Variants in NPL observed in about 807,000 individuals in gnomAD.
NPL encodes N-acetylneuraminate lyase.
NPL carries 32 observed loss-of-function variants against 41.1 expected under a neutral mutation model. The ratio of observed to expected loss-of-function variants is 0.78; its 90% CI spans 0.59 to 1.05. NPL has a LOEUF of 1.05. Ranked by LOEUF, NPL falls within the 50% of genes least tolerant of loss-of-function variation. The probability of loss-of-function intolerance (pLI) is 0.00; values close to 1 mark genes in which losing one functional copy is unlikely to be tolerated. For synonymous variants in NPL, 128 were observed against 134.9 expected (o/e 0.95, Z 0.35); for missense variants, 321 against 378.4 (o/e 0.85, Z 1.26).
intron 2 of NPL, among the ~76,000 whole-genome samples, chr1:182,793,142 A>G (rs981405486): frequency 2.6e-5 from 4 of 152,194 alleles, no homozygotes; most frequent in African/African-American, 9.6e-5. Context: ...CAATTGTTAG[A>G]CATTAAATTT....
intron 11 of NPL, among the ~76,000 whole-genome samples, chr1:182,824,957 T>C (rs1667592432): frequency 6.6e-6 from 1 of 152,238 alleles, no homozygotes; most frequent in African/African-American, 2.4e-5. Flanking sequence ...GCTACAAAAC[T>C]GTGTTCATGT....
chr1:182,814,595 G>A (rs575352624), intron 6 of NPL, among the ~76,000 whole-genome samples, 188 bp from the exon 7 acceptor site: 2 of 152,260 alleles, frequency 1.3e-5, no homozygotes, highest in South Asian at 2.1e-4. Flanking sequence ...CACCTTCATC[G>A]GGGAGCTCTA....
At position 182,790,863 on chromosome 1, in the gene NPL, G is replaced by A. The variant is rs537759151; in HGVS notation, c.-72+1058G>A. On this transcript the variant is annotated intron_variant, in intron 1 of 12. Transcript: ENST00000367553. Reference sequence around the variant, plus strand: ...TGGCCATGTTGGCCAGGCTGGTCTCGAACTCCTGACCTCAGGTGATCCGCC... The same window carrying A: ...TGGCCATGTTGGCCAGGCTGGTCTCAAACTCCTGACCTCAGGTGATCCGCC... Among the ~76,000 whole-genome samples, 495 of 152,236 alleles carry A rather than the reference G, an allele frequency of 3.3e-3. 1 individual carries two copies. Among genetic ancestry groups the A allele is most frequent in the African/African-American group, 9.4e-3 (392 of 41,546 alleles).
intron 3 of NPL, among the ~76,000 whole-genome samples, chr1:182,799,378 C>T (rs886805068): frequency 1.3e-5 from 2 of 152,074 alleles, no homozygotes; most frequent in African/African-American, 4.8e-5. Flanking sequence ...TAGTAATGGA[C>T]CATCTAAAAA....
chr1:182,806,458 G>A (rs1345385799), intron 5 of NPL: 10 of 1,536,426 alleles, frequency 6.5e-6, no homozygotes, highest in Non-Finnish European at 8.7e-6. Flanking sequence ...CCACCCAGAG[G>A]TTCCGCTGGG....
chr1:182,816,586 TAA>T, intron 7 of NPL, 126 bp from the exon 8 acceptor site: 1 of 718,286 alleles, frequency 1.4e-6, no homozygotes, highest in South Asian at 1.5e-5. Context: ...GCAGGGATAG[TAA>T]AAGTGGTTGA....
At chr1:182,819,047 A>G (rs897361725) in intron 10 of NPL, among the ~76,000 whole-genome samples, 188 bp downstream of exon 10, 1 of 152,218 alleles carries the variant, frequency 6.6e-6, no homozygotes, top group Non-Finnish European at 1.5e-5. Context: ...TGGACTGGGC[A>G]TGGTGGCTCA....
chr1:182,801,174 C>T (rs1666836896), intron 3 of NPL, among the ~76,000 whole-genome samples: 1 of 152,192 alleles, frequency 6.6e-6, no homozygotes, highest in African/African-American at 2.4e-5. Flanking sequence ...TCCAAAAGGA[C>T]TTAAGTCCAA....
chr1:182,816,893 T>G (rs1667349635), intron 8 of NPL, 87 bp downstream of exon 8: 3 of 1,003,584 alleles, frequency 3.0e-6, no homozygotes, highest in Non-Finnish European at 4.6e-6. Context: ...CATCCCACCC[T>G]ACCCCATGCC....
chr1:182,819,378 G>A (rs1316471102), intron 10 of NPL, among the ~76,000 whole-genome samples: 4 of 151,286 alleles, frequency 2.6e-5, no homozygotes, highest in African/African-American at 4.9e-5. Flanking sequence ...ACCGGAAGGC[G>A]GAGGTTGCAG....
Position 182,806,164 on chromosome 1 carries a change from A to C in NPL, c.162A>C (p.Glu54Asp). ...GAACAGTGAATGGCACAACAGGAGA[A>C]GGCCTGTCCCTGAGCGTCTCAGAGC... ...KNIFVNGTTGEGLSLSVSERR... is the reference protein window; with the variant it reads ...KNIFVNGTTGDGLSLSVSERR... The change falls in exon 5 of 13, where the codon GAA (glutamate) becomes GAC (aspartate). Residue 54 changes from glutamate (E) to aspartate (D), a missense_variant. Physicochemically the swap from Glu to Asp is conservative, Grantham distance 45. Coordinates refer to ENST00000367553, the MANE Select transcript of NPL (RefSeq NM_030769.3). 1.2e-6 allele frequency: 2 copies of C among 1,614,228 alleles called. No individual in the cohort carries two copies. The highest frequency in any genetic ancestry group is 1.7e-6 in the Non-Finnish European group (2 of 1,180,042).
At chr1:182,796,297 C>T (rs1025637369) in intron 3 of NPL, among the ~76,000 whole-genome samples, 9 of 151,824 alleles carry the variant, frequency 5.9e-5, no homozygotes, top group Non-Finnish European at 1.5e-5. Context: ...CCTGCTTCAT[C>T]AAACATTCCT....
At chr1:182,810,192 C>T (rs984395863) in intron 5 of NPL, among the ~76,000 whole-genome samples, 8 of 152,176 alleles carry the variant, frequency 5.3e-5, no homozygotes, top group Non-Finnish European at 8.8e-5. Context: ...GGGAAGACTG[C>T]ATTCACAGCT....
rs139881537 is a variant in NPL, at chr1:182,820,897, C to T, written c.654-1218C>T. On this transcript the variant is annotated intron_variant, in intron 10 of 12. Transcript: ENST00000367553. ...ACCATATCACCATTAAACCTTTTTC[C>T]GCCTGGAAATTCTTTCTTTTTTGGC... is the stretch of plus-strand genomic sequence containing the variant. Among the ~76,000 whole-genome samples, 598 of 152,286 alleles carry T rather than the reference C, an allele frequency of 3.9e-3. 2 individuals carry two copies. The highest frequency in any genetic ancestry group is 5.8e-3 in the Non-Finnish European group (396 of 68,008).
At chr1:182,816,655 C>A in intron 7 of NPL, 59 bp from the exon 8 acceptor site, 1 of 1,215,848 alleles carries the variant, frequency 8.2e-7, no homozygotes, top group Non-Finnish European at 1.2e-6. Context: ...CTCTTTTTTA[C>A]CAGGAAAGCC....
intron 8 of NPL, among the ~76,000 whole-genome samples, chr1:182,817,150 TGTATTCTTA>T (rs1342370635): frequency 1.3e-5 from 2 of 152,210 alleles, no homozygotes; most frequent in African/African-American, 4.8e-5. Flanking sequence ...TTGAACCTGT[TGTATTCTTA>T]GTGCCTGTAG....
At chr1:182,797,034 CAAAAA>C (rs59582125) in intron 3 of NPL, among the ~76,000 whole-genome samples, 3 of 96,016 alleles carry the variant, frequency 3.1e-5, no homozygotes, top group African/African-American at 1.1e-4. Context: ...GAATATGTCT[CAAAAA>C]AAAAAAAAAA....
intron 1 of NPL, among the ~76,000 whole-genome samples, chr1:182,790,613 T>TTTGTTGTTG (rs148847511): frequency 0.013 from 2,023 of 150,458 alleles, 15 homozygotes; most frequent in Non-Finnish European, 0.018. Context: ...GTTAAAGTCT[T>TTTGTTGTTG]TTGTTGTTGT....
At chr1:182,819,858 T>C (rs1004642726) in intron 10 of NPL, among the ~76,000 whole-genome samples, 4 of 152,186 alleles carry the variant, frequency 2.6e-5, no homozygotes, top group Non-Finnish European at 4.4e-5. Flanking sequence ...AACTAGCTTA[T>C]GTACAAGAAG....
Sources: gnomAD v4.1 joint callset for allele counts (sites outside exome capture counted in the v4.1 genomes callset) on GRCh38, gnomAD v4.1.1 for gene constraint, MANE v1.5 for transcripts, NCBI Gene and HGNC (gene_info 2026-07-23, HGNC 2026-07-21) for gene names.